The following LNX1 variants were observed in gnomAD, a reference collection of about 807,000 sequenced individuals.
LNX1 encodes the protein ligand of numb-protein X 1.
LNX1 carries 54 observed loss-of-function variants against 68.4 expected under a neutral mutation model. The observed-to-expected ratio is 0.79, with a 90% confidence interval of 0.63 to 0.99. LNX1 has a LOEUF of 0.99. Ranked by LOEUF, LNX1 falls within the 50% of genes least tolerant of loss-of-function variation. The pLI is 0.00. For synonymous variants in LNX1, 336 were observed against 350.0 expected (o/e 0.96, Z 0.45); for missense variants, 906 against 926.4 (o/e 0.98, Z 0.29).
At chr4:53,569,895 C>T (rs1193250556) in intron 2 of LNX1, among the ~76,000 whole-genome samples, 1 of 148,942 alleles carries the variant, frequency 6.7e-6, no homozygotes, top group Non-Finnish European at 1.5e-5. Context: ...TTTATGCAGC[C>T]AAAAAACACA....
intron 4 of LNX1, 99 bp downstream of exon 4, chr4:53,507,217 AG>A: frequency 1.6e-6 from 2 of 1,252,422 alleles, no homozygotes; most frequent in Non-Finnish European, 2.2e-6. Context: ...TTGGGAAGAG[AG>A]GGGTCACAGA....
In LNX1 at chr4:53,612,222, T is replaced by C. The variant is rs568140539; in HGVS notation, c.-215+4295A>G. On this transcript the variant is annotated intron_variant, in intron 2 of 3. Coordinates refer to the LNX1 transcript ENST00000504299. ...ACCAGATTGTCTAAAATTGTAAAGATTTGTAACACTTATTGCTGGCAGGTT... is the reference window on the plus strand; with the variant it reads ...ACCAGATTGTCTAAAATTGTAAAGACTTGTAACACTTATTGCTGGCAGGTT... Among the ~76,000 whole-genome samples the C allele has an allele frequency of 6.6e-5, 10 of 152,292 alleles. No homozygotes were observed. The East Asian group carries it at 1.9e-3, about 29-fold the overall frequency.
At chr4:53,600,239 C>T (rs1387921157) in intron 2 of LNX1, among the ~76,000 whole-genome samples, 1 of 152,154 alleles carries the variant, frequency 6.6e-6, no homozygotes, top group African/African-American at 2.4e-5. Context: ...ATTCTTCAAA[C>T]TTTTTCCCAA....
chr4:53,624,638 C>T (rs1734007765), intron 1 of LNX1, among the ~76,000 whole-genome samples: 1 of 152,166 alleles, frequency 6.6e-6, no homozygotes. Flanking sequence ...GCCTACCCTC[C>T]CACCATGCTG....
intron 2 of LNX1, among the ~76,000 whole-genome samples, chr4:53,601,988 C>T (rs574212598): frequency 6.6e-6 from 1 of 152,264 alleles, no homozygotes; most frequent in East Asian, 1.9e-4. Flanking sequence ...ACTGACTTCT[C>T]CAGTCAGCAC....
intron 9 of LNX1, among the ~76,000 whole-genome samples, chr4:53,464,839 A>ATGAT (rs1248589966): frequency 1.3e-5 from 2 of 152,118 alleles, no homozygotes; most frequent in Admixed American, 6.5e-5. Flanking sequence ...TTATTCCTCA[A>ATGAT]TGATAGCCAA....
chr4:53,539,462 C>T (rs1457384527), intron 2 of LNX1: 15 of 152,360 alleles, frequency 9.8e-5, no homozygotes, highest in African/African-American at 3.6e-4. Flanking sequence ...CCTCCTGGGG[C>T]TCAAGCAATC....
At chr4:53,631,064 A>G (rs1256179642) in intron 1 of LNX1, among the ~76,000 whole-genome samples, 10 of 152,318 alleles carry the variant, frequency 6.6e-5, no homozygotes, top group African/African-American at 1.9e-4. Context: ...GTACAGTTCT[A>G]TGGACCGCTG....
intron 2 of LNX1, among the ~76,000 whole-genome samples, chr4:53,547,158 A>C (rs1448595669): frequency 3.3e-5 from 5 of 152,208 alleles, no homozygotes; most frequent in Non-Finnish European, 7.3e-5. Context: ...TTTTACAGAT[A>C]ACCAAGAAAG....
At chr4:53,506,689 T>TA (rs1219039711) in intron 4 of LNX1, among the ~76,000 whole-genome samples, 2 of 151,580 alleles carry the variant, frequency 1.3e-5, no homozygotes, top group Non-Finnish European at 2.9e-5. Flanking sequence ...ACCCCGTCTC[T>TA]ACTAAAAAAT....
chr4:53,607,968 A>C (rs1187963665), intron 2 of LNX1, among the ~76,000 whole-genome samples: 1 of 152,204 alleles, frequency 6.6e-6, no homozygotes, highest in Non-Finnish European at 1.5e-5. Context: ...AAATCAGCTC[A>C]AGATGAATTA....
intron 2 of LNX1, among the ~76,000 whole-genome samples, chr4:53,572,370 T>A (rs1458225951): frequency 6.6e-6 from 1 of 152,218 alleles, no homozygotes; most frequent in African/African-American, 2.4e-5. Context: ...TGGAAGCATC[T>A]GGCTGAACGT....
intron 9 of LNX1, among the ~76,000 whole-genome samples, chr4:53,468,784 A>G (rs1361200652): frequency 6.6e-6 from 1 of 152,254 alleles, no homozygotes; most frequent in African/African-American, 2.4e-5. Flanking sequence ...CAACAAGAAG[A>G]GCTAACTATC....
chr4:53,597,847 T>A (rs1306844172), intron 2 of LNX1, among the ~76,000 whole-genome samples: 1 of 152,214 alleles, frequency 6.6e-6, no homozygotes, highest in Non-Finnish European at 1.5e-5. Context: ...GGGTCCTCCT[T>A]GAATACTCCC....
At chr4:53,476,667 A>C in intron 9 of LNX1, 86 bp downstream of exon 9, 2 of 1,112,700 alleles carry the variant, frequency 1.8e-6, no homozygotes. Flanking sequence ...TAGTGCCATG[A>C]ATCAGCCCTA....
chr4:53,476,739 G>T lies in LNX1; in HGVS notation c.1892+14C>A. ...TCTCCCACGCCCCTACAGGGATGTT[G>T]TGTTTGGACTTACCGTGGTAATTCC... On this transcript the variant is annotated intron_variant, in intron 9 of 10. Coordinates refer to ENST00000263925, the MANE Select transcript of LNX1 (RefSeq NM_001126328.3). The T allele has an allele frequency of 1.2e-6, 2 of 1,606,650 alleles. No individual in the cohort carries two copies. Among genetic ancestry groups the T allele is most frequent in the Non-Finnish European group, 1.7e-6 (2 of 1,173,120 alleles).
intron 4 of LNX1, chr4:53,500,461 A>T (rs1725393108): frequency 6.6e-6 from 1 of 152,150 alleles, no homozygotes; most frequent in African/African-American, 2.4e-5. Context: ...TCGTTATGGC[A>T]TCTGGAAAGA....
In LNX1 at chr4:53,540,883, T is replaced by A. The variant is rs201530493; in HGVS notation, c.381-32656A>T. Among the ~76,000 whole-genome samples, 25 of 152,112 alleles carry A rather than the reference T, an allele frequency of 1.6e-4. No individual in the cohort carries two copies. In the East Asian group the frequency reaches 4.7e-3, roughly 28 times the overall value. The stretch of plus-strand genomic sequence containing the variant: ...TGGGAATGGTGGCTGACGCCTGTAA[T>A]CCCAGCACTTTGGGAGGCTGAGACG... On this transcript the variant is annotated intron_variant, in intron 2 of 10. Coordinates refer to ENST00000263925, the MANE Select transcript of LNX1 (RefSeq NM_001126328.3).
intron 1 of LNX1, chr4:53,576,464 C>T (rs1412293008): frequency 1.3e-5 from 18 of 1,374,578 alleles, no homozygotes; most frequent in Non-Finnish European, 1.7e-5. Flanking sequence ...GCTGACTCTT[C>T]CCAGGACAGC....
Sources: gnomAD v4.1 joint callset for allele counts (sites outside exome capture counted in the v4.1 genomes callset) on GRCh38, gnomAD v4.1.1 for gene constraint, MANE v1.5 for transcripts, NCBI Gene and HGNC (gene_info 2026-07-23, HGNC 2026-07-21) for gene names.